The following ATPAF2 variants were observed in gnomAD, a reference collection of about 807,000 sequenced individuals.
ATPAF2 encodes ATP synthase mitochondrial F1 complex assembly factor 2, also known as ATP12 homolog.
A neutral mutation model predicts 36.6 loss-of-function variants in ATPAF2; 30 were observed. The observed-to-expected ratio is 0.82, with a 90% CI of 0.61 to 1.11. The LOEUF (loss-of-function observed/expected upper bound fraction) is 1.11. ATPAF2 is among the 50% of genes most tolerant of loss of function. The probability of loss-of-function intolerance (pLI) is 0.00; values close to 1 mark genes in which losing one functional copy is unlikely to be tolerated. For missense variants in ATPAF2, 321 were observed against 372.3 expected (o/e 0.86, Z 1.13); for synonymous variants, 140 against 152.6 (o/e 0.92, Z 0.61).
At chr17:18,016,638 G>A (rs773586652), downstream of ATPAF2, 19 of 1,613,426 alleles carry the variant, frequency 1.2e-5, no homozygotes, top group Non-Finnish European at 1.4e-5. Context: ...AGAGCGAACT[G>A]GACAACCTGG....
At chr17:18,027,748 G>A (rs1054750334) in intron 3 of ATPAF2, among the ~76,000 whole-genome samples, 13 of 152,142 alleles carry the variant, frequency 8.5e-5, no homozygotes, top group African/African-American at 3.1e-4. Context: ...TGCCTCCAGT[G>A]GATCTTATAT....
intron 1 of ATPAF2, among the ~76,000 whole-genome samples, chr17:18,038,451 G>C (rs900464871): frequency 1.3e-5 from 2 of 152,306 alleles, no homozygotes; most frequent in East Asian, 1.9e-4. Context: ...TGAAGGCCCA[G>C]GTTCTAGGTC....
chr17:18,027,237 T>C (rs1054929917), intron 3 of ATPAF2, among the ~76,000 whole-genome samples: 6 of 151,766 alleles, frequency 4.0e-5, no homozygotes, highest in African/African-American at 1.5e-4. Flanking sequence ...AAAAAGATCT[T>C]TTTTTTTCCA....
intron 5 of ATPAF2, 60 bp downstream of exon 5, chr17:18,024,564 C>T: frequency 7.0e-7 from 1 of 1,434,424 alleles, no homozygotes; most frequent in Non-Finnish European, 9.8e-7. Context: ...CCCCCTGACC[C>T]CTACACTCCA....
intron 1 of ATPAF2, among the ~76,000 whole-genome samples, chr17:18,038,338 G>A (rs568575486): frequency 6.6e-6 from 1 of 152,346 alleles, no homozygotes; most frequent in South Asian, 2.1e-4. Flanking sequence ...AGTCAGAGGT[G>A]GAGGTGTCAA....
chr17:18,020,975 T>A (rs906623961), intron 7 of ATPAF2, 148 bp downstream of exon 7: 1 of 1,449,864 alleles, frequency 6.9e-7, no homozygotes, highest in African/African-American at 1.4e-5. Context: ...TGACAATACT[T>A]CTGCTGGTCC....
At chr17:18,030,679 T>G (rs2044617716) in intron 1 of ATPAF2, among the ~76,000 whole-genome samples, 1 of 147,928 alleles carries the variant, frequency 6.8e-6, no homozygotes, top group Admixed American at 6.7e-5. Context: ...CTTTTTTTTT[T>G]TTTTTTGAGA....
chr17:18,038,815 GCCGAAGC>G, intron 1 of ATPAF2, 59 bp downstream of exon 1: 1 of 1,603,302 alleles, frequency 6.2e-7, no homozygotes, highest in Non-Finnish European at 8.5e-7. Context: ...GCTTTGCACA[GCCGAAGC>G]CCGAAGCCCA....
chr17:18,024,746 A>C, intron 4 of ATPAF2, 42 bp from the exon 5 acceptor site: 1 of 1,544,486 alleles, frequency 6.5e-7, no homozygotes, highest in Non-Finnish European at 9.0e-7. Context: ...AAAAAAGTAC[A>C]ATTCCTTCAT....
intron 3 of ATPAF2, among the ~76,000 whole-genome samples, chr17:18,027,571 G>A (rs1417801681): frequency 1.3e-5 from 2 of 152,172 alleles, no homozygotes; most frequent in Non-Finnish European, 2.9e-5. Flanking sequence ...ATGGGGCTGC[G>A]AAAGGGGTAG....
chr17:18,034,729 A>C (rs1400437500), intron 1 of ATPAF2, among the ~76,000 whole-genome samples: 1 of 152,210 alleles, frequency 6.6e-6, no homozygotes, highest in Non-Finnish European at 1.5e-5. Context: ...ACTCTTAGGT[A>C]TATGTCCAAG....
downstream of ATPAF2, chr17:18,016,142 G>C (rs1367614474): frequency 6.2e-7 from 1 of 1,614,006 alleles, no homozygotes; most frequent in Admixed American, 1.7e-5. Flanking sequence ...TGACAATCGA[G>C]AAGATGAGCT....
intron 1 of ATPAF2, among the ~76,000 whole-genome samples, chr17:18,032,864 G>C (rs1366755084): frequency 6.7e-6 from 1 of 150,024 alleles, no homozygotes; most frequent in East Asian, 1.9e-4. Context: ...TGGCAGAGCA[G>C]GGCTGTGGAA....
At chr17:18,036,515 ACAGTGAGC>A (rs1348110610) in intron 1 of ATPAF2, among the ~76,000 whole-genome samples, 2 of 151,236 alleles carry the variant, frequency 1.3e-5, no homozygotes, top group Non-Finnish European at 3.0e-5. Flanking sequence ...GGCGGAGCTT[ACAGTGAGC>A]CAAGATTGCG....
chr17:18,026,472 C>G, intron 3 of ATPAF2, 56 bp from the exon 4 acceptor site: 1 of 1,385,858 alleles, frequency 7.2e-7, no homozygotes, highest in Non-Finnish European at 1.0e-6. Context: ...GGCAAAAGCC[C>G]TGCTTTCCTG....
At position 18,039,162 on chromosome 17, in the gene ATPAF2, T is replaced by G; in HGVS notation, c.-149A>C. ...CAACCTCCCTTGGACGCCGCCATCT[T>G]CCGCATGACACCTACGGCGCGCCGT... On this transcript the variant is annotated 5_prime_UTR_variant, in exon 1 of 8. Coordinates refer to ENST00000474627, the MANE Select transcript of ATPAF2 (RefSeq NM_145691.4). The surrounding 1 kb of genome is among the most constrained non-coding windows in gnomAD (Gnocchi z 5.3). 3.4e-6 allele frequency: 4 copies of G among 1,162,334 alleles called. No homozygotes were observed. The highest frequency in any genetic ancestry group is 4.9e-6 in the Non-Finnish European group (4 of 813,740). 72.0% of individuals were successfully genotyped at this position (1,162,334 alleles called of 1,614,324 possible). A position where few individuals can be genotyped will look rare whatever the true frequency, so the allele number is the denominator to read the frequency against.
Position 18,021,869 on chromosome 17 carries a change from A to G in ATPAF2, c.504-12T>C. 6.2e-7 allele frequency: 1 copy of G among 1,610,272 alleles called. No individual in the cohort carries two copies. Among genetic ancestry groups the G allele is most frequent in the Admixed American group, 1.7e-5 (1 of 60,000 alleles). ...TCTCCACGCCGTATCTGAAAGGAAA[A>G]GGGCTTCGGCATGTCTCTGTCATGC... is the stretch of plus-strand genomic sequence containing the variant. On this transcript the variant is annotated splice_polypyrimidine_tract_variant and intron_variant, in intron 5 of 7. Coordinates refer to ENST00000474627, the MANE Select transcript of ATPAF2 (RefSeq NM_145691.4).
intron 3 of ATPAF2, chr17:18,026,727 A>G (rs752005396): frequency 6.4e-6 from 3 of 465,874 alleles, no homozygotes; most frequent in East Asian, 4.2e-5. Flanking sequence ...TAATCCTCAC[A>G]ACAACCTTTT....
intron 5 of ATPAF2, among the ~76,000 whole-genome samples, chr17:18,022,921 T>G (rs2044491701): frequency 6.6e-6 from 1 of 151,674 alleles, no homozygotes; most frequent in African/African-American, 2.4e-5. Context: ...GTCAGGAGAT[T>G]GAGACCATCC....
Sources: gnomAD v4.1 joint callset for allele counts (sites outside exome capture counted in the v4.1 genomes callset) on GRCh38, gnomAD v4.1.1 for gene constraint, Gnocchi (gnomAD v3.1) non-coding constraint, MANE v1.5 for transcripts, NCBI Gene and HGNC (gene_info 2026-07-23, HGNC 2026-07-21) for gene names.